Variants in SNX29 observed in about 807,000 individuals in gnomAD.
SNX29 encodes the protein sorting nexin-29.
In SNX29, 78 loss-of-function variants were observed where a neutral mutation model predicts 102.1. The ratio of observed to expected loss-of-function variants is 0.76; its 90% CI spans 0.64 to 0.92. The LOEUF is 0.92. Among genes scored for constraint, SNX29 ranks in the 40% least tolerant of loss-of-function variants. SNX29 has a pLI of 0.00. For missense variants in SNX29, 1,280 were observed against 1,061.7 expected (o/e 1.21, Z -2.86); for synonymous variants, 580 against 414.5 (o/e 1.40, Z -4.85).
At chr16:11,997,401 C>T (rs2056117044) in intron 1 of SNX29, among the ~76,000 whole-genome samples, 1 of 152,188 alleles carries the variant, frequency 6.6e-6, no homozygotes, top group Non-Finnish European at 1.5e-5. Context: ...CTTGCTTCCT[C>T]CCTATCCCAT....
intron 8 of SNX29, 85 bp from the exon 9 acceptor site, chr16:12,061,443 A>C: frequency 2.6e-6 from 3 of 1,144,616 alleles, no homozygotes; most frequent in Non-Finnish European, 3.8e-6. Context: ...GTTAGTTCTC[A>C]GGAGGGTGCT....
At chr16:12,328,267 G>A (rs1000748515) in intron 15 of SNX29, among the ~76,000 whole-genome samples, 5 of 152,178 alleles carry the variant, frequency 3.3e-5, no homozygotes, top group South Asian at 2.1e-4. Context: ...CTCAGCCAGC[G>A]ATGTTTCTAG....
intron 18 of SNX29, among the ~76,000 whole-genome samples, chr16:12,433,582 G>A (rs1229880451): frequency 1.4e-5 from 2 of 146,408 alleles, no homozygotes; most frequent in Non-Finnish European, 3.0e-5. Context: ...AGTGAGCCGA[G>A]ATCATGCCAC....
chr16:12,450,711 A>G (rs1291468161), intron 18 of SNX29, among the ~76,000 whole-genome samples: 5 of 152,194 alleles, frequency 3.3e-5, no homozygotes, highest in Admixed American at 6.6e-5. Flanking sequence ...CTGCTTGCTG[A>G]AGAGCTTGGG....
At chr16:12,408,185 A>G (rs1429649866) in intron 18 of SNX29, among the ~76,000 whole-genome samples, 4 of 115,590 alleles carry the variant, frequency 3.5e-5, no homozygotes, top group Non-Finnish European at 8.2e-5. Flanking sequence ...AACAAAAAAA[A>G]AACTAGAAGC....
At chr16:12,398,417 C>T in intron 16 of SNX29, 29 bp from the exon 17 acceptor site, 2 of 1,612,298 alleles carry the variant, frequency 1.2e-6, no homozygotes, top group East Asian at 2.2e-5. Flanking sequence ...TGCATTTTTT[C>T]TCCCCTCTCC....
intron 15 of SNX29, among the ~76,000 whole-genome samples, chr16:12,322,067 G>C (rs1470366135): frequency 6.6e-6 from 1 of 152,194 alleles, no homozygotes; most frequent in Admixed American, 6.5e-5. Flanking sequence ...GCGTGACACA[G>C]TCCTACCTGG....
At position 12,295,567 on chromosome 16, in the gene SNX29, C is replaced by T. The variant is rs1000148073; in HGVS notation, c.1782+17531C>T. ...GAGAGCTGAATATACCCTGTTTCCTCGGGCTTCCTTGGAGTGACTCACAGG... is the reference window on the plus strand; with the variant it reads ...GAGAGCTGAATATACCCTGTTTCCTTGGGCTTCCTTGGAGTGACTCACAGG... On this transcript the variant is annotated intron_variant, in intron 15 of 20. Coordinates refer to ENST00000566228, the MANE Select transcript of SNX29 (RefSeq NM_032167.5). Among the ~76,000 whole-genome samples the T allele has an allele frequency of 8.5e-5, 13 of 152,170 alleles. No homozygotes were observed. In the South Asian group the frequency reaches 1.2e-3, roughly 15 times the overall value.
chr16:12,265,924 C>T (rs1251129438), intron 14 of SNX29, among the ~76,000 whole-genome samples: 8 of 151,872 alleles, frequency 5.3e-5, no homozygotes, highest in African/African-American at 1.9e-4. Context: ...TGACACTTGG[C>T]ATGAGAATAG....
At chr16:12,204,234 C>G (rs1160836523) in intron 14 of SNX29, among the ~76,000 whole-genome samples, 6 of 152,146 alleles carry the variant, frequency 3.9e-5, no homozygotes, top group African/African-American at 1.4e-4. Flanking sequence ...CTACCCTGGA[C>G]TTTTTGGTAA....
chr16:12,206,384 CAAAAAAAAAAA>C (rs59859762), intron 14 of SNX29, among the ~76,000 whole-genome samples: 2 of 92,126 alleles, frequency 2.2e-5, no homozygotes, highest in African/African-American at 4.7e-5. Context: ...AAATAGCTTT[CAAAAAAAAAAA>C]AAAAAAAAGC....
rs1296616699 is a variant in SNX29 at position 12,570,271 on chromosome 16, G to C, written c.*1642G>C. 3 of 1,065,078 alleles carry C rather than the reference G, an allele frequency of 2.8e-6. No individual in the cohort carries two copies. Among genetic ancestry groups the C allele is most frequent in the East Asian group, 1.0e-4 (2 of 20,064 alleles). The allele number at this position is 1,065,078 out of a possible 1,614,324, so 66.0% of individuals were successfully genotyped here. A position where few individuals can be genotyped will look rare whatever the true frequency, so the allele number is the denominator to read the frequency against. On this transcript the variant is annotated 3_prime_UTR_variant, in exon 21 of 21. Transcript: ENST00000566228. ...GAGCTGGAGCATGTATGGAGGTGCG[G>C]ACCCTGCAGTCAGTTTGCGAGTGTG...
intron 16 of SNX29, among the ~76,000 whole-genome samples, chr16:12,390,522 G>A (rs1443031146): frequency 6.6e-6 from 1 of 152,176 alleles, no homozygotes. Flanking sequence ...CACCTGCAGA[G>A]AGTCTGACTA....
chr16:12,245,462 A>G (rs547847445), intron 14 of SNX29, among the ~76,000 whole-genome samples: 2 of 151,524 alleles, frequency 1.3e-5, no homozygotes, highest in South Asian at 4.2e-4. Context: ...TGGGTTTTGA[A>G]TTATAGTGAC....
intron 19 of SNX29, among the ~76,000 whole-genome samples, chr16:12,484,267 G>C (rs2088117637): frequency 6.6e-6 from 1 of 152,108 alleles, no homozygotes; most frequent in African/African-American, 2.4e-5. Context: ...TTCCACCTCA[G>C]CCTCCCAAAG....
At chr16:12,347,868 A>G (rs572308763) in intron 15 of SNX29, among the ~76,000 whole-genome samples, 1 of 150,600 alleles carries the variant, frequency 6.6e-6, no homozygotes, top group South Asian at 2.1e-4. Flanking sequence ...CCTTGAGTCC[A>G]GGAGTTCAAG....
intron 14 of SNX29, among the ~76,000 whole-genome samples, chr16:12,256,800 G>A (rs1327299148): frequency 6.6e-6 from 1 of 152,138 alleles, no homozygotes; most frequent in East Asian, 1.9e-4. Context: ...GGCAGGAATG[G>A]CCACTGATGG....
intron 13 of SNX29, among the ~76,000 whole-genome samples, chr16:12,147,178 C>T (rs140422838): frequency 1.3e-5 from 2 of 152,332 alleles, no homozygotes; most frequent in East Asian, 3.9e-4. Flanking sequence ...CATTAGTACC[C>T]AATGCCAGAT....
chr16:12,257,483 A>G (rs2078607812), intron 14 of SNX29, among the ~76,000 whole-genome samples: 1 of 146,036 alleles, frequency 6.8e-6, no homozygotes, highest in South Asian at 2.1e-4. Context: ...TTTGGGGGCC[A>G]TTCTGCCTAC....
Sources: allele counts gnomAD v4.1 joint callset (sites outside exome capture counted in the v4.1 genomes callset), GRCh38; gene constraint gnomAD v4.1.1; transcripts MANE v1.5; gene names NCBI Gene and HGNC (gene_info 2026-07-23, HGNC 2026-07-21).